Variants in CDC42BPB observed in about 807,000 individuals in gnomAD.
The protein encoded by CDC42BPB is CDC42 binding protein kinase beta.
CDC42BPB carries 37 observed loss-of-function variants against 214.9 expected under a neutral mutation model. That is an observed-to-expected ratio of 0.17 (90% CI 0.13 to 0.23). The LOEUF (loss-of-function observed/expected upper bound fraction) is 0.23, where lower values mean the gene tolerates loss of function less well. Among genes scored for constraint, CDC42BPB ranks in the 10% least tolerant of loss-of-function variants. The pLI is 1.00. For missense variants in CDC42BPB, 1,694 were observed against 2,227.0 expected, an observed-to-expected ratio of 0.76 and a Z score of 4.82; for synonymous variants, 931 against 884.0, an observed-to-expected ratio of 1.05 and a Z score of -0.94.
At chr14:103,018,259 TG>T (rs1202406764) in intron 1 of CDC42BPB, among the ~76,000 whole-genome samples, 1 of 152,204 alleles carries the variant, frequency 6.6e-6, no homozygotes, top group Non-Finnish European at 1.5e-5. Flanking sequence ...GTCCGTGGCC[TG>T]GGGGTTGGGG....
At chr14:102,974,197 TATGTA>T in intron 11 of CDC42BPB, 48 bp from the exon 12 acceptor site, 2 of 1,593,610 alleles carry the variant, frequency 1.3e-6, no homozygotes, top group Non-Finnish European at 1.7e-6. Flanking sequence ...GCAATGACTA[TATGTA>T]AACTTTATGT....
intron 9 of CDC42BPB, among the ~76,000 whole-genome samples, chr14:102,977,339 C>CAAAAAAAAA (rs56368090): frequency 1.2e-5 from 1 of 85,104 alleles, no homozygotes; most frequent in Non-Finnish European, 2.3e-5. Context: ...ACTCCGTCTC[C>CAAAAAAAAA]AAAAAAAAAA....
Position 102,933,571 on chromosome 14 carries a change from A to G in CDC42BPB, c.*141T>C. The G allele has an allele frequency of 1.5e-6, 1 of 663,474 alleles. No homozygotes were observed. Among genetic ancestry groups the G allele is most frequent in the Non-Finnish European group, 2.3e-6 (1 of 435,892 alleles). 41.1% of individuals were successfully genotyped at this position (663,474 alleles called of 1,614,324 possible). ...GCGGCATAAAACTGATCAATATTAT[A>G]ATAAAGATTTGTCTTCTTCATCTCC... is the stretch of plus-strand genomic sequence containing the variant. On this transcript the variant is annotated 3_prime_UTR_variant, in exon 37 of 37. Transcript: ENST00000361246.
chr14:102,961,540 CT>C (rs924189936), intron 20 of CDC42BPB, among the ~76,000 whole-genome samples: 1 of 149,666 alleles, frequency 6.7e-6, no homozygotes, highest in African/African-American at 2.5e-5. Flanking sequence ...ACCCCCCCCA[CT>C]TTTTTTTAAG....
intron 1 of CDC42BPB, among the ~76,000 whole-genome samples, chr14:103,022,565 AAAAC>A (rs945113227): frequency 4.6e-5 from 7 of 152,308 alleles, no homozygotes; most frequent in African/African-American, 1.2e-4. Context: ...TTTAAAAAAC[AAAAC>A]AAACAAAAAC....
At chr14:102,935,119 A>C (rs1360441905) in intron 36 of CDC42BPB, among the ~76,000 whole-genome samples, 2 of 152,224 alleles carry the variant, frequency 1.3e-5, no homozygotes, top group Non-Finnish European at 2.9e-5. Context: ...AGGCAGAGCG[A>C]TCAGGGAAGA....
chr14:102,983,924 T>G, intron 6 of CDC42BPB, 168 bp from the exon 7 acceptor site: 1 of 984,070 alleles, frequency 1.0e-6, no homozygotes, highest in South Asian at 4.7e-5. Context: ...GTATAGTGCC[T>G]CGAGCCTGTA....
At chr14:102,989,772 T>C (rs757703006) in intron 5 of CDC42BPB, among the ~76,000 whole-genome samples, 10 of 150,348 alleles carry the variant, frequency 6.7e-5, no homozygotes, top group Non-Finnish European at 1.3e-4. Flanking sequence ...GGCAGGAGAA[T>C]CACTTGAACC....
intron 26 of CDC42BPB, among the ~76,000 whole-genome samples, chr14:102,949,105 G>A (rs1443934395): frequency 3.3e-5 from 5 of 152,208 alleles, no homozygotes; most frequent in African/African-American, 1.2e-4. Flanking sequence ...ATGACACAAA[G>A]GCAGTAGCAT....
rs565607522 is a variant in CDC42BPB at position 102,964,422 on chromosome 14, C to T, written c.2726+80G>A. 528 of 1,522,334 alleles carry T rather than the reference C, an allele frequency of 3.5e-4. 5 individuals are homozygous for T. The highest frequency in any genetic ancestry group is 2.1e-4 in the African/African-American group (15 of 71,700). The allele number at this position is 1,522,334 out of a possible 1,614,324, so 94.3% of individuals were successfully genotyped here. On this transcript the variant is annotated intron_variant, in intron 19 of 36. Transcript: ENST00000361246. ...CCCCGATTTTCCAGGCGAGGAGCAT[C>T]GGAGCCCGTGAGGCTCAGGGCGGGC...
intron 23 of CDC42BPB, among the ~76,000 whole-genome samples, chr14:102,953,055 C>A (rs889423201): frequency 6.6e-6 from 1 of 152,266 alleles, no homozygotes; most frequent in East Asian, 1.9e-4. Flanking sequence ...CAGCAAACGC[C>A]TGGAAAGGCT....
intron 5 of CDC42BPB, among the ~76,000 whole-genome samples, chr14:102,988,404 T>TA (rs1218210677): frequency 2.0e-5 from 3 of 149,558 alleles, no homozygotes; most frequent in Non-Finnish European, 3.0e-5. Context: ...CCCATAAGAT[T>TA]AAAAAAAAGA....
At chr14:103,009,123 G>A (rs1000343131) in intron 2 of CDC42BPB, among the ~76,000 whole-genome samples, 1 of 152,206 alleles carries the variant, frequency 6.6e-6, no homozygotes, top group African/African-American at 2.4e-5. Context: ...AGCACTTCCT[G>A]TAAGCTACTC....
At chr14:103,012,903 G>A (rs1396258310) in intron 1 of CDC42BPB, among the ~76,000 whole-genome samples, 2 of 152,340 alleles carry the variant, frequency 1.3e-5, no homozygotes, top group East Asian at 3.9e-4. Context: ...GTGTAACCCA[G>A]GAGCAGTAGG....
chr14:102,952,716 A>G, intron 23 of CDC42BPB, 113 bp from the exon 24 acceptor site: 1 of 1,486,924 alleles, frequency 6.7e-7, no homozygotes, highest in Non-Finnish European at 9.0e-7. Context: ...AAAAGGTGGA[A>G]ATGTGCAAGT....
In CDC42BPB at chr14:102,943,414, C is replaced by T. The variant is rs1490111709; in HGVS notation, c.4408+477G>A. Among the ~76,000 whole-genome samples the T allele has an allele frequency of 6.6e-6, 1 of 152,182 alleles. No individual in the cohort carries two copies. Among genetic ancestry groups the T allele is most frequent in the Non-Finnish European group, 1.5e-5 (1 of 68,034 alleles). ...AGTGACCCAACTGTTTGAAAAACAG[C>T]CCCTACCACTTTCAGAAAATACTTG... On this transcript the variant is annotated intron_variant, in intron 30 of 36. Coordinates refer to ENST00000361246, the MANE Select transcript of CDC42BPB (RefSeq NM_006035.4). The surrounding 1 kb of genome is among the most constrained non-coding windows in gnomAD (Gnocchi z 4.6).
At chr14:102,998,800 G>A (rs1409725075) in intron 5 of CDC42BPB, among the ~76,000 whole-genome samples, 1 of 152,302 alleles carries the variant, frequency 6.6e-6, no homozygotes, top group Admixed American at 6.5e-5. Flanking sequence ...GACCAGAGTT[G>A]AGAAAGAATG....
rs371948218 is a variant in CDC42BPB at position 102,953,086 on chromosome 14, G to A, written c.3067-483C>T. The stretch of plus-strand genomic sequence containing the variant: ...AGGCTCACGGTCCCTCATCAGGAGT[G>A]GACACATTGTGAACCCAGCGGCAAC... On this transcript the variant is annotated intron_variant, in intron 23 of 36. Transcript: ENST00000361246. Among the ~76,000 whole-genome samples the A allele has an allele frequency of 2.9e-3, 449 of 152,372 alleles. 1 individual carries two copies. The highest frequency in any genetic ancestry group is 5.0e-3 in the Non-Finnish European group (338 of 68,038).
At position 102,972,037 on chromosome 14, in the gene CDC42BPB, G is replaced by C; in HGVS notation, c.1766C>G (p.Ala589Gly). 6.2e-7 allele frequency: 1 copy of C among 1,614,226 alleles called. No individual in the cohort carries two copies. Among genetic ancestry groups the C allele is most frequent in the Non-Finnish European group, 8.5e-7 (1 of 1,180,042 alleles). Residue 589 changes from alanine (A) to glycine (G), a missense_variant, in exon 13 of 37, where the codon GCC (alanine) becomes GGC (glycine). This residue lies in a region of CDC42BPB where 462 missense variants were observed against 513.5 expected (regional missense o/e 0.90). Coordinates refer to ENST00000361246, the MANE Select transcript of CDC42BPB (RefSeq NM_006035.4). ...CTGCCGGGACACCTTCTGCTTCTGG[G>C]CACGGAGCTCTGCCATGCGCTCGTT... ...ELNERMAELR[A>G]QKQKVSRQLR...
Sources: allele counts gnomAD v4.1 joint callset (sites outside exome capture counted in the v4.1 genomes callset), GRCh38; gene constraint gnomAD v4.1.1; regional missense constraint gnomAD v4.1.1; non-coding constraint Gnocchi (gnomAD v3.1); transcripts MANE v1.5; gene names NCBI Gene and HGNC (gene_info 2026-07-23, HGNC 2026-07-21).